SGK3: variants seen among roughly 807,000 people sequenced by gnomAD.
The protein encoded by SGK3 is serum/glucocorticoid regulated kinase family member 3, also known as serine/threonine-protein kinase Sgk3.
Under a neutral mutation model 68.5 loss-of-function variants are expected in SGK3, and 47 were observed. That is an observed-to-expected ratio of 0.69 (90% CI 0.54 to 0.87). SGK3 has a LOEUF of 0.87. Among genes scored for constraint, SGK3 ranks in the 40% least tolerant of loss-of-function variants. The pLI is 0.00. For missense variants in SGK3, 479 were observed against 575.5 expected (o/e 0.83, Z 1.72); for synonymous variants, 181 against 189.1 (o/e 0.96, Z 0.35).
intron 1 of SGK3, among the ~76,000 whole-genome samples, chr8:66,789,598 T>C (rs11997260): frequency 0.054 from 8,232 of 152,280 alleles, 308 homozygotes; most frequent in African/African-American, 0.11. Context: ...AAGTCCCACT[T>C]TGACTTGTAG....
chr8:66,767,505 CA>C, intron 1 of SGK3: 1 of 1,510,568 alleles, frequency 6.6e-7, no homozygotes, highest in South Asian at 1.1e-5. Context: ...AGGGCATCTT[CA>C]AAGGTGAAGG....
chr8:66,839,955 A>C, intron 10 of SGK3, 48 bp from the exon 11 acceptor site: 6 of 1,504,486 alleles, frequency 4.0e-6, no homozygotes, highest in South Asian at 1.1e-5. Context: ...CTATGTGTGA[A>C]TGATCCTAAC....
intron 6 of SGK3, among the ~76,000 whole-genome samples, chr8:66,826,263 G>A (rs1252717490): frequency 1.3e-5 from 2 of 151,934 alleles, no homozygotes; most frequent in East Asian, 1.9e-4. Context: ...GAGCCACCAC[G>A]CCTGGCCTTC....
intron 1 of SGK3, among the ~76,000 whole-genome samples, chr8:66,750,838 C>G (rs558751091): frequency 3.7e-4 from 55 of 150,062 alleles, no homozygotes; most frequent in South Asian, 4.2e-4. Context: ...AACCCCATCT[C>G]TACCAAAAAA....
chr8:66,781,796 T>C (rs1454234759), intron 1 of SGK3, among the ~76,000 whole-genome samples: 1 of 152,218 alleles, frequency 6.6e-6, no homozygotes, highest in Non-Finnish European at 1.5e-5. Context: ...AATAGAGATG[T>C]AGTAAACCTA....
intron 2 of SGK3, among the ~76,000 whole-genome samples, chr8:66,795,460 G>A (rs956067175): frequency 6.6e-6 from 1 of 152,170 alleles, no homozygotes. Flanking sequence ...TGAATAAAAT[G>A]GTAGAGTGTG....
chr8:66,792,014 A>T (rs1807478856), intron 1 of SGK3, among the ~76,000 whole-genome samples: 1 of 152,152 alleles, frequency 6.6e-6, no homozygotes, highest in Non-Finnish European at 1.5e-5. Flanking sequence ...GTATGTTCTA[A>T]CAACTAATTC....
intron 1 of SGK3, among the ~76,000 whole-genome samples, chr8:66,733,050 G>A (rs2130372955): frequency 6.6e-6 from 1 of 152,300 alleles, no homozygotes; most frequent in Non-Finnish European, 1.5e-5. Context: ...ATTCTACGAA[G>A]TGTGCATGGT....
At chr8:66,736,163 C>T (rs1397001942) in intron 1 of SGK3, among the ~76,000 whole-genome samples, 6 of 152,120 alleles carry the variant, frequency 3.9e-5, no homozygotes, top group Admixed American at 3.9e-4. Context: ...ATAGAATAGG[C>T]ATAGTAATGT....
At chr8:66,801,797 G>A (rs1242256610) in intron 3 of SGK3, among the ~76,000 whole-genome samples, 2 of 152,166 alleles carry the variant, frequency 1.3e-5, no homozygotes, top group East Asian at 3.9e-4. Context: ...ATAGAGGAAG[G>A]GGTGTAGGGA....
rs144084640 is a variant in SGK3 at position 66,853,598 on chromosome 8, A to G, written c.1320+2678A>G. ...ATTATTTCAAAATCTAACAGGTTGC[A>G]TAAAGTATTTACTTCAATTATATGT... On this transcript the variant is annotated intron_variant, in intron 16 of 16. Coordinates refer to ENST00000521198, the MANE Select transcript of SGK3 (RefSeq NM_001033578.3). Among the ~76,000 whole-genome samples, 639 of 152,364 alleles carry G rather than the reference A, an allele frequency of 4.2e-3. 6 individuals carry two copies. Among genetic ancestry groups the G allele is most frequent in the African/African-American group, 0.015 (610 of 41,590 alleles).
intron 1 of SGK3, among the ~76,000 whole-genome samples, chr8:66,736,521 CA>C (rs1407458805): frequency 2.6e-5 from 4 of 151,862 alleles, no homozygotes; most frequent in Non-Finnish European, 4.4e-5. Flanking sequence ...ACAGCGTTGC[CA>C]TCATAGCCCA....
intron 1 of SGK3, among the ~76,000 whole-genome samples, chr8:66,733,896 C>T (rs1004926762): frequency 3.9e-5 from 6 of 152,180 alleles, no homozygotes; most frequent in African/African-American, 1.4e-4. Context: ...TGTCATTTAG[C>T]TTGGCATTGC....
At chr8:66,847,491 A>T in intron 15 of SGK3, 143 bp downstream of exon 15, 1 of 1,300,520 alleles carries the variant, frequency 7.7e-7, no homozygotes, top group South Asian at 1.5e-5. Context: ...TTGTCTCCAC[A>T]GTTTTCACCT....
At position 66,839,539 on chromosome 8, in the gene SGK3, A is replaced by ATATG. The variant is rs1554605424; in HGVS notation, c.742-461_742-460insGTAT. On this transcript the variant is annotated intron_variant, in intron 10 of 16. Transcript: ENST00000521198. ...TATATATATATATATATATATATAT[A>ATATG]TATATATATATATATATATTTTCAT... Among the ~76,000 whole-genome samples the ATATG allele has an allele frequency of 1.1e-3, 76 of 69,808 alleles. 2 individuals carry two copies. Among genetic ancestry groups the ATATG allele is most frequent in the South Asian group, 5.8e-3 (13 of 2,238 alleles). 45.8% of individuals were successfully genotyped at this position (69,808 alleles called of 152,430 possible).
intron 1 of SGK3, among the ~76,000 whole-genome samples, chr8:66,730,178 T>A (rs566141960): frequency 1.3e-3 from 200 of 152,320 alleles, no homozygotes; most frequent in African/African-American, 4.6e-3. Context: ...GATATTTCAT[T>A]GTAGTTTTGA....
chr8:66,744,517 A>G (rs55669723), intron 1 of SGK3, among the ~76,000 whole-genome samples: 5 of 16,826 alleles, frequency 3.0e-4, no homozygotes, highest in Non-Finnish European at 4.5e-4. Flanking sequence ...ATATATATAT[A>G]TATTTTTTTT....
intron 16 of SGK3, among the ~76,000 whole-genome samples, chr8:66,858,056 A>G (rs1291205164): frequency 1.3e-5 from 2 of 152,124 alleles, no homozygotes; most frequent in Admixed American, 1.3e-4. Flanking sequence ...ACCTAATTAA[A>G]TAAGTGATAA....
At chr8:66,788,126 A>T (rs1442785509) in intron 1 of SGK3, among the ~76,000 whole-genome samples, 1 of 152,172 alleles carries the variant, frequency 6.6e-6, no homozygotes, top group East Asian at 1.9e-4. Context: ...GAGGCCTTAA[A>T]TGTGGGTCTA....
Sources: gnomAD v4.1 joint callset for allele counts (sites outside exome capture counted in the v4.1 genomes callset) on GRCh38, gnomAD v4.1.1 for gene constraint, MANE v1.5 for transcripts, NCBI Gene and HGNC (gene_info 2026-07-23, HGNC 2026-07-21) for gene names.